Variants in PLA2G7 observed in about 807,000 individuals in gnomAD.
PLA2G7 encodes the protein phospholipase A2 group VII.
A neutral mutation model predicts 49.6 loss-of-function variants in PLA2G7; 63 were observed. That is an observed-to-expected ratio of 1.27 (90% CI 1.04 to 1.57). PLA2G7 has a LOEUF of 1.57. Ranked by LOEUF, PLA2G7 falls within the 40% of genes most tolerant of loss-of-function variation. The probability of loss-of-function intolerance (pLI) is 0.00; values close to 1 mark genes in which losing one functional copy is unlikely to be tolerated. For synonymous variants in PLA2G7, 193 were observed against 169.9 expected (o/e 1.14, Z -1.06); for missense variants, 596 against 521.2 (o/e 1.14, Z -1.40).
intron 6 of PLA2G7, among the ~76,000 whole-genome samples, chr6:46,712,005 T>C (rs1334714035): frequency 6.6e-6 from 1 of 152,146 alleles, no homozygotes; most frequent in African/African-American, 2.4e-5. Context: ...AACCATCTCA[T>C]AGGATTGTTA....
intron 9 of PLA2G7, 135 bp from the exon 10 acceptor site, chr6:46,708,296 G>A (rs1189161380): frequency 9.5e-6 from 7 of 733,164 alleles, no homozygotes; most frequent in Non-Finnish European, 1.5e-5. Flanking sequence ...GGAATAAAGA[G>A]GTATCATACT....
intron 1 of PLA2G7, among the ~76,000 whole-genome samples, chr6:46,734,947 G>C (rs1765872687): frequency 6.6e-6 from 1 of 152,126 alleles, no homozygotes; most frequent in South Asian, 2.1e-4. Flanking sequence ...GCTTCCTTTC[G>C]GGAAAAGGTT....
chr6:46,704,443 C>CTG lies in PLA2G7; in HGVS notation c.*116_*117insCA. Reference sequence around the variant, plus strand: ...TCCTTTGGGAAAATACATTAAAATTCTCTCTCTCTCTCTCTCTCTCTCTCT... The same window carrying CTG: ...TCCTTTGGGAAAATACATTAAAATTCTGTCTCTCTCTCTCTCTCTCTCTCTCT... On this transcript the variant is annotated 3_prime_UTR_variant, in exon 12 of 12. Transcript: ENST00000274793. The CTG allele has an allele frequency of 1.9e-6, 1 of 518,416 alleles. No individual in the cohort carries two copies. Among genetic ancestry groups the CTG allele is most frequent in the Non-Finnish European group, 3.6e-6 (1 of 276,610 alleles). The allele number at this position is 518,416 out of a possible 1,614,324, so 32.1% of individuals were successfully genotyped here.
rs1451404240 is a variant in PLA2G7 at position 46,704,460 on chromosome 6, TCTCTCTCTCTCTCTCTCTCACACA to T, written c.*76_*99del. 2.6e-4 allele frequency: 155 copies of T among 606,588 alleles called. No homozygotes were observed. Among genetic ancestry groups the T allele is most frequent in the African/African-American group, 3.0e-4 (8 of 26,440 alleles). The allele number at this position is 606,588 out of a possible 1,614,324, so 37.6% of individuals were successfully genotyped here. ...TTAAAATTCTCTCTCTCTCTCTCTCTCTCTCTCTCTCTCTCTCTCACACACACACACACACACACACACACACAC... is the reference window on the plus strand; with the variant it reads ...TTAAAATTCTCTCTCTCTCTCTCTCTCACACACACACACACACACACACAC... On this transcript the variant is annotated 3_prime_UTR_variant, in exon 12 of 12. Coordinates refer to ENST00000274793, the MANE Select transcript of PLA2G7 (RefSeq NM_005084.4).
intron 5 of PLA2G7, among the ~76,000 whole-genome samples, chr6:46,713,239 AAAG>A (rs1437506328): frequency 1.3e-5 from 2 of 152,176 alleles, no homozygotes; most frequent in Non-Finnish European, 2.9e-5. Context: ...CAGAGAATAA[AAAG>A]GAGGTAGCTA....
intron 4 of PLA2G7, among the ~76,000 whole-genome samples, chr6:46,715,575 A>G (rs1434766900): frequency 6.6e-6 from 1 of 152,244 alleles, no homozygotes; most frequent in Non-Finnish European, 1.5e-5. Context: ...ATTATCAGCA[A>G]TCATTTGTGT....
At chr6:46,723,664 T>C (rs1475373260) in intron 1 of PLA2G7, among the ~76,000 whole-genome samples, 1 of 152,198 alleles carries the variant, frequency 6.6e-6, no homozygotes, top group Non-Finnish European at 1.5e-5. Flanking sequence ...CCTTCAACTT[T>C]TGTGGGGGAT....
chr6:46,711,759 A>G, intron 6 of PLA2G7, 140 bp from the exon 7 acceptor site: 3 of 893,234 alleles, frequency 3.4e-6, no homozygotes, highest in Non-Finnish European at 5.3e-6. Flanking sequence ...TTTCTCTTAA[A>G]TTAAAGAAGA....
At chr6:46,706,109 G>A (rs1188801937) in intron 10 of PLA2G7, among the ~76,000 whole-genome samples, 2 of 152,132 alleles carry the variant, frequency 1.3e-5, no homozygotes, top group Admixed American at 6.6e-5. Context: ...TGTAAATTAT[G>A]TAATCATCCA....
At chr6:46,734,839 A>T (rs1765866895) in intron 1 of PLA2G7, among the ~76,000 whole-genome samples, 1 of 151,558 alleles carries the variant, frequency 6.6e-6, no homozygotes, top group Non-Finnish European at 1.5e-5. Context: ...AGAAAGAAGG[A>T]ACGAAAGAAA....
chr6:46,716,493 A>G lies in PLA2G7; in HGVS notation c.267T>C (p.Asp89=). The G allele has an allele frequency of 6.2e-7, 1 of 1,613,936 alleles. No individual in the cohort carries two copies. Among genetic ancestry groups the G allele is most frequent in the Non-Finnish European group, 8.5e-7 (1 of 1,179,832 alleles). The change falls in exon 4 of 12, where the codon GAT becomes GAC. Residue 89 remains aspartate (D), a synonymous_variant. Coordinates refer to ENST00000274793, the MANE Select transcript of PLA2G7 (RefSeq NM_005084.4). ...TCCAAAGGGTGTCAAGGCGATCATTATCTTGGGATGGATAATATAAACGCA... is the reference window on the plus strand; with the variant it reads ...TCCAAAGGGTGTCAAGGCGATCATTGTCTTGGGATGGATAATATAAACGCA... ...TFLRLYYPSQ[D]NDRLDTLWIP... is the part of the protein sequence containing the mutation.
At chr6:46,730,243 G>T (rs1037362359) in intron 1 of PLA2G7, among the ~76,000 whole-genome samples, 1 of 152,246 alleles carries the variant, frequency 6.6e-6, no homozygotes, top group African/African-American at 2.4e-5. Flanking sequence ...TAGGTTGCAT[G>T]TGACAGCCAC....
At chr6:46,721,624 T>TGG (rs1765405129) in intron 2 of PLA2G7, among the ~76,000 whole-genome samples, 2 of 150,664 alleles carry the variant, frequency 1.3e-5, no homozygotes, top group Admixed American at 1.3e-4. Context: ...ATGAACTTAA[T>TGG]GTCATCTAGG....
chr6:46,711,815 T>A (rs893338269), intron 6 of PLA2G7, among the ~76,000 whole-genome samples, 196 bp from the exon 7 acceptor site: 1 of 152,182 alleles, frequency 6.6e-6, no homozygotes, highest in Non-Finnish European at 1.5e-5. Context: ...TATCATCAAG[T>A]TGCAGGTAAA....
chr6:46,709,891 G>A (rs182237294), intron 8 of PLA2G7, among the ~76,000 whole-genome samples: 3 of 152,260 alleles, frequency 2.0e-5, no homozygotes, highest in African/African-American at 4.8e-5. Context: ...GACAGACAGC[G>A]AGCCCAGTCC....
Position 46,722,912 on chromosome 6 carries a change from T to A in PLA2G7, c.-21A>T. 1 of 1,379,722 alleles carries A rather than the reference T, an allele frequency of 7.2e-7. No homozygotes were observed. The highest frequency in any genetic ancestry group is 1.0e-6 in the Non-Finnish European group (1 of 967,050). 85.5% of individuals were successfully genotyped at this position (1,379,722 alleles called of 1,614,324 possible). Reference sequence around the variant, plus strand: ...ACCATCTTGGGAGCTGAGCAGCAGTTTCAGCTTAGTCTCCTTCGAAGCAGA... The same window carrying A: ...ACCATCTTGGGAGCTGAGCAGCAGTATCAGCTTAGTCTCCTTCGAAGCAGA... On this transcript the variant is annotated 5_prime_UTR_variant, in exon 2 of 12. Transcript: ENST00000274793.
At chr6:46,719,707 A>T (rs565008306) in intron 2 of PLA2G7, among the ~76,000 whole-genome samples, 50 of 152,274 alleles carry the variant, frequency 3.3e-4, no homozygotes, top group African/African-American at 1.0e-3. Flanking sequence ...ACATAAAAGC[A>T]CTTGACCAGC....
rs1199354248 is a variant in PLA2G7, at chr6:46,717,031, C to T, written c.175G>A (p.Gly59Arg). 6 of 1,613,676 alleles carry T rather than the reference C, an allele frequency of 3.7e-6. No homozygotes were observed. The highest frequency in any genetic ancestry group is 5.1e-6 in the Non-Finnish European group (6 of 1,179,630). The change falls in exon 3 of 12, where the codon GGA becomes AGA. Residue 59 changes from glycine (G) to arginine (R), a missense_variant. By Grantham distance (125) the Gly-to-Arg change is moderately radical (BLOSUM62 -2). Coordinates refer to ENST00000274793, the MANE Select transcript of PLA2G7 (RefSeq NM_005084.4). ...ASFGQTKIPR[G>R]NGPYSVGCTD... is the part of the protein sequence containing the mutation. ...CAACCAACGGAATAAGGCCCATTTCCCCGGGGGATTTTAGTTTGGCCAAAG... is the reference window on the plus strand; with the variant it reads ...CAACCAACGGAATAAGGCCCATTTCTCCGGGGGATTTTAGTTTGGCCAAAG...
Position 46,720,161 on chromosome 6 carries a change from G to T in PLA2G7, c.109+2622C>A, listed in dbSNP as rs575940398. On this transcript the variant is annotated intron_variant, in intron 2 of 11. Transcript: ENST00000274793. ...GTGCCTGTGCAGGGCTTGCTGCAGG[G>T]AGACCTCTGGCTCACACAACTCGCT... 3.9e-5 allele frequency among the ~76,000 whole-genome samples: 6 copies of T among 152,260 alleles called. No homozygotes were observed. In the East Asian group the frequency reaches 1.2e-3, roughly 30 times the overall value.
Sources: allele counts gnomAD v4.1 joint callset (sites outside exome capture counted in the v4.1 genomes callset), GRCh38; gene constraint gnomAD v4.1.1; transcripts MANE v1.5; gene names NCBI Gene and HGNC (gene_info 2026-07-23, HGNC 2026-07-21).